The following UNC13C variants were observed in gnomAD, a reference collection of about 807,000 sequenced individuals.
UNC13C encodes the protein protein unc-13 homolog C.
A neutral mutation model predicts 245.4 loss-of-function variants in UNC13C; 174 were observed. The ratio of observed to expected loss-of-function variants is 0.71; its 90% confidence interval spans 0.63 to 0.80. The LOEUF is 0.80. Ranked by LOEUF, UNC13C falls within the 30% of genes least tolerant of loss-of-function variation. The pLI is 0.00. For synonymous variants in UNC13C, 992 were observed against 895.1 expected, an observed-to-expected ratio of 1.11 and a Z score of -1.93; for missense variants, 2,829 against 2,602.9, an observed-to-expected ratio of 1.09 and a Z score of -1.89.
chr15:54,442,910 C>T (rs533061063), intron 19 of UNC13C, among the ~76,000 whole-genome samples: 18 of 152,086 alleles, frequency 1.2e-4, no homozygotes, highest in South Asian at 1.0e-3. Flanking sequence ...GTTTTAGTAT[C>T]GGGGTAATTC....
intron 2 of UNC13C, among the ~76,000 whole-genome samples, chr15:54,082,187 C>T (rs1460624777): frequency 6.6e-6 from 1 of 152,092 alleles, no homozygotes; most frequent in Non-Finnish European, 1.5e-5. Flanking sequence ...GCCCTTTACT[C>T]TATGCCTTCA....
At chr15:54,343,901 G>C (rs1024207498) in intron 17 of UNC13C, among the ~76,000 whole-genome samples, 1 of 152,118 alleles carries the variant, frequency 6.6e-6, no homozygotes, top group African/African-American at 2.4e-5. Context: ...GGTAAGGGGG[G>C]GTCCTGGCTA....
At chr15:54,301,393 C>G (rs2037578468) in intron 13 of UNC13C, among the ~76,000 whole-genome samples, 2 of 151,406 alleles carry the variant, frequency 1.3e-5, no homozygotes, top group South Asian at 2.1e-4. Flanking sequence ...CACCCATCAA[C>G]CCATCATCTA....
At chr15:54,008,150 T>C (rs980116542) in intron 1 of UNC13C, among the ~76,000 whole-genome samples, 6 of 152,234 alleles carry the variant, frequency 3.9e-5, no homozygotes, top group African/African-American at 1.4e-4. Flanking sequence ...GGGTATTAAA[T>C]AGTTCTCTTA....
chr15:54,284,627 GCACA>G (rs71132799), intron 10 of UNC13C, among the ~76,000 whole-genome samples: 74 of 150,978 alleles, frequency 4.9e-4, no homozygotes, highest in Middle Eastern at 3.4e-3. Context: ...GCACACTTGT[GCACA>G]CACACACACA....
chr15:54,591,738 C>CT (rs1178963406), intron 30 of UNC13C, among the ~76,000 whole-genome samples: 1 of 151,718 alleles, frequency 6.6e-6, no homozygotes, highest in Non-Finnish European at 1.5e-5. Context: ...AAATAACCAG[C>CT]TTTTTTTTTC....
intron 2 of UNC13C, among the ~76,000 whole-genome samples, chr15:54,043,279 C>G (rs1164542989): frequency 2.0e-5 from 3 of 152,186 alleles, no homozygotes; most frequent in Non-Finnish European, 4.4e-5. Context: ...ATGCAACAGA[C>G]AGAGAATTTG....
chr15:53,944,970 G>A, the UNC13C span, among the ~76,000 whole-genome samples: 2 of 152,048 alleles, frequency 1.3e-5, no homozygotes, highest in African/African-American at 4.8e-5. Context: ...TTGGTGAGAG[G>A]TTGTACCTCA....
chr15:54,441,304 C>G (rs932138195), intron 19 of UNC13C, among the ~76,000 whole-genome samples: 1 of 151,784 alleles, frequency 6.6e-6, no homozygotes, highest in African/African-American at 2.4e-5. Flanking sequence ...AGTTTCAGGT[C>G]TTATGTTTAG....
chr15:54,201,638 C>A (rs116097422), intron 4 of UNC13C, among the ~76,000 whole-genome samples: 2,622 of 151,870 alleles, frequency 0.017, 75 homozygotes, highest in African/African-American at 0.061. Context: ...AAATCCTCAG[C>A]AAAATTGTTA....
intron 26 of UNC13C, among the ~76,000 whole-genome samples, chr15:54,545,785 G>A (rs942486820): frequency 5.3e-5 from 8 of 152,060 alleles, no homozygotes; most frequent in African/African-American, 1.2e-4. Flanking sequence ...ACCATCTCAC[G>A]CCAGTTAGAG....
chr15:53,839,311 C>T, the UNC13C span, among the ~76,000 whole-genome samples: 1 of 152,080 alleles, frequency 6.6e-6, no homozygotes, highest in Non-Finnish European at 1.5e-5. Flanking sequence ...GATGAAAGGG[C>T]AACTTCTCCA....
intron 19 of UNC13C, among the ~76,000 whole-genome samples, chr15:54,435,748 TAAATAA>T (rs2040970402): frequency 2.1e-5 from 2 of 95,586 alleles, no homozygotes; most frequent in Admixed American, 1.1e-4. Flanking sequence ...TAAAAAATAA[TAAATAA>T]AAATAAAAAA....
chr15:54,411,612 T>G (rs2040417556), intron 18 of UNC13C, among the ~76,000 whole-genome samples: 1 of 149,158 alleles, frequency 6.7e-6, no homozygotes, highest in African/African-American at 2.4e-5. Context: ...CTTTCTTCAC[T>G]GACATACTGT....
At chr15:54,456,470 A>G (rs1376250642) in intron 19 of UNC13C, among the ~76,000 whole-genome samples, 1 of 151,962 alleles carries the variant, frequency 6.6e-6, no homozygotes, top group Non-Finnish European at 1.5e-5. Context: ...TATTGGTCCT[A>G]CCCATCCATG....
rs1491322450 is a variant in UNC13C, at chr15:54,454,138, TAA to T, written c.4933+39074_4933+39075del. Among the ~76,000 whole-genome samples the T allele has an allele frequency of 5.7e-3, 855 of 150,902 alleles. 6 individuals are homozygous for T. Among genetic ancestry groups the T allele is most frequent in the African/African-American group, 0.019 (804 of 41,248 alleles). On this transcript the variant is annotated intron_variant, in intron 19 of 32. Coordinates refer to ENST00000260323, the MANE Select transcript of UNC13C (RefSeq NM_001080534.3). ...ATTTTTATTGTGATATATATATATA[TAA>T]AATACAATTTACCATTTTAACCATT...
intron 2 of UNC13C, among the ~76,000 whole-genome samples, chr15:54,039,110 C>T (rs1460138249): frequency 1.3e-5 from 2 of 152,138 alleles, no homozygotes; most frequent in Non-Finnish European, 2.9e-5. Context: ...CATTGTGCCC[C>T]CTCCTGCATT....
intron 29 of UNC13C, 21 bp downstream of exon 29, chr15:54,555,533 T>A: frequency 6.3e-7 from 1 of 1,588,576 alleles, no homozygotes. Context: ...AATGCTCCTA[T>A]ATATACATCG....
intron 10 of UNC13C, among the ~76,000 whole-genome samples, chr15:54,290,185 CTT>C (rs1173660947): frequency 2.0e-5 from 3 of 152,014 alleles, no homozygotes; most frequent in African/African-American, 7.2e-5. Context: ...TAATGACAAA[CTT>C]AATATTCCTC....
Sources: gnomAD v4.1 joint callset for allele counts (sites outside exome capture counted in the v4.1 genomes callset) on GRCh38, gnomAD v4.1.1 for gene constraint, MANE v1.5 for transcripts, NCBI Gene and HGNC (gene_info 2026-07-23, HGNC 2026-07-21) for gene names.